FILIP1L: variants seen among roughly 807,000 people sequenced by gnomAD.
FILIP1L encodes filamin A interacting protein 1 like, also known as filamin A-interacting protein 1-like.
A neutral mutation model predicts 96.6 loss-of-function variants in FILIP1L; 55 were observed. The observed-to-expected ratio is 0.57, with a 90% CI of 0.46 to 0.71. The LOEUF is 0.71. Among genes scored for constraint, FILIP1L ranks in the 30% least tolerant of loss-of-function variants. FILIP1L has a pLI of 0.00. For missense variants in FILIP1L, 1,304 were observed against 1,321.2 expected, an observed-to-expected ratio of 0.99 and a Z score of 0.20; for synonymous variants, 467 against 473.9, an observed-to-expected ratio of 0.99 and a Z score of 0.19.
At chr3:99,943,807 A>C (rs1306527147) in intron 1 of FILIP1L, among the ~76,000 whole-genome samples, 2 of 152,222 alleles carry the variant, frequency 1.3e-5, no homozygotes, top group Non-Finnish European at 2.9e-5. Context: ...ACAGCAGGGG[A>C]AAGAGCATAG....
intron 1 of FILIP1L, among the ~76,000 whole-genome samples, chr3:100,048,875 T>G (rs1270418588): frequency 1.3e-5 from 2 of 152,222 alleles, no homozygotes; most frequent in South Asian, 2.1e-4. Flanking sequence ...AAGGTTGATA[T>G]GATGGCCTAG....
At chr3:100,048,980 C>G (rs2065324240) in intron 1 of FILIP1L, among the ~76,000 whole-genome samples, 1 of 152,132 alleles carries the variant, frequency 6.6e-6, no homozygotes, top group Non-Finnish European at 1.5e-5. Flanking sequence ...TGTCTATTTT[C>G]AAACCTAATG....
chr3:99,897,787 T>C (rs1165273707), intron 4 of FILIP1L, among the ~76,000 whole-genome samples: 2 of 152,330 alleles, frequency 1.3e-5, no homozygotes, highest in Admixed American at 6.5e-5. Flanking sequence ...ATGATGGTGA[T>C]CATAGAGGGA....
chr3:100,030,249 T>C (rs2065001398), intron 1 of FILIP1L, among the ~76,000 whole-genome samples: 2 of 152,048 alleles, frequency 1.3e-5, no homozygotes, highest in African/African-American at 2.4e-5. Context: ...AGTATTGGAG[T>C]TGTACCAAAA....
In FILIP1L at chr3:100,090,969, AT is replaced by A. The variant is rs531464913; in HGVS notation, c.-11+23083del. On this transcript the variant is annotated intron_variant, in intron 1 of 5. Transcript: ENST00000477258. ...TTACAAGTAATTTTAACCCAAGGTC[AT>A]TTGGAAAATGTCATTCCTGAAACCC... 4.1e-3 allele frequency among the ~76,000 whole-genome samples: 620 copies of A among 152,322 alleles called. 7 individuals are homozygous for A. The highest frequency in any genetic ancestry group is 0.015 in the African/African-American group (607 of 41,576).
chr3:100,064,385 C>G (rs1025547563), intron 1 of FILIP1L, among the ~76,000 whole-genome samples: 1 of 151,932 alleles, frequency 6.6e-6, no homozygotes, highest in Non-Finnish European at 1.5e-5. Context: ...CTAATCCTGA[C>G]CCCCCCAACA....
chr3:100,042,555 T>G (rs1178880810), intron 1 of FILIP1L, among the ~76,000 whole-genome samples: 4 of 152,232 alleles, frequency 2.6e-5, no homozygotes, highest in Non-Finnish European at 5.9e-5. Context: ...ATTTTAATTC[T>G]TTGGAAATTG....
At chr3:100,006,623 A>T (rs1177046928) in intron 1 of FILIP1L, among the ~76,000 whole-genome samples, 2 of 151,852 alleles carry the variant, frequency 1.3e-5, no homozygotes, top group Non-Finnish European at 2.9e-5. Context: ...AATGATGAGA[A>T]TTCAGCTCAT....
intron 1 of FILIP1L, among the ~76,000 whole-genome samples, chr3:99,950,583 T>A (rs1241219913): frequency 6.6e-6 from 1 of 152,198 alleles, no homozygotes; most frequent in Non-Finnish European, 1.5e-5. Context: ...CTTGAAGTTT[T>A]AAAATGTGCT....
chr3:100,037,901 G>T (rs1055973519), intron 1 of FILIP1L, among the ~76,000 whole-genome samples: 30 of 150,408 alleles, frequency 2.0e-4, no homozygotes, highest in African/African-American at 7.1e-4. Context: ...ACACTAACTG[G>T]CTCTGAATCG....
rs1290460432 is a variant in FILIP1L, at chr3:99,930,855, G to A, written c.166C>T (p.Pro56Ser). 6.2e-7 allele frequency: 1 copy of A among 1,612,602 alleles called. No homozygotes were observed. Among genetic ancestry groups the A allele is most frequent in the African/African-American group, 1.3e-5 (1 of 74,456 alleles). The change falls in exon 2 of 6, where the codon CCA becomes TCA. Residue 56 changes from proline to serine, a missense_variant. Transcript: ENST00000477258. Reference sequence around the variant, plus strand: ...GCTTGGTGGCCATTACCACTGTGTGGCTTCTCTGCCTTGGGACACGGAAGT... The same window carrying A: ...GCTTGGTGGCCATTACCACTGTGTGACTTCTCTGCCTTGGGACACGGAAGT... ...VILPCPKAEKPHSGNGHQAED... is the reference protein window; with the variant it reads ...VILPCPKAEKSHSGNGHQAED...
At chr3:99,865,013 C>T (rs752213281) in intron 4 of FILIP1L, among the ~76,000 whole-genome samples, 14 of 151,994 alleles carry the variant, frequency 9.2e-5, no homozygotes, top group Non-Finnish European at 1.9e-4. Flanking sequence ...AATTGGTATT[C>T]AATAAATATT....
At chr3:99,965,449 C>A (rs1318327846) in intron 1 of FILIP1L, among the ~76,000 whole-genome samples, 1 of 152,206 alleles carries the variant, frequency 6.6e-6, no homozygotes, top group African/African-American at 2.4e-5. Flanking sequence ...AAGGTCATGA[C>A]TGATTTTCCA....
At chr3:100,063,614 T>G (rs1259007308) in intron 1 of FILIP1L, among the ~76,000 whole-genome samples, 1 of 152,236 alleles carries the variant, frequency 6.6e-6, no homozygotes, top group African/African-American at 2.4e-5. Flanking sequence ...GGTAGTCTTT[T>G]AAAAGTTATT....
intron 1 of FILIP1L, among the ~76,000 whole-genome samples, chr3:99,999,365 C>T (rs1000188248): frequency 3.3e-5 from 5 of 152,140 alleles, no homozygotes; most frequent in African/African-American, 9.7e-5. Flanking sequence ...GCATCAGAGT[C>T]ATAAGTATAG....
chr3:100,029,817 G>C (rs1474057862), intron 1 of FILIP1L, among the ~76,000 whole-genome samples: 2 of 152,080 alleles, frequency 1.3e-5, no homozygotes, highest in Non-Finnish European at 2.9e-5. Context: ...GTGACCAAAA[G>C]GGCAGATTCT....
intron 1 of FILIP1L, among the ~76,000 whole-genome samples, chr3:100,007,396 G>A (rs1216856019): frequency 6.6e-6 from 1 of 152,150 alleles, no homozygotes; most frequent in Non-Finnish European, 1.5e-5. Context: ...GCTCGCTAAT[G>A]CATTTTGTGT....
chr3:99,902,244 A>G (rs575042306), intron 4 of FILIP1L, among the ~76,000 whole-genome samples: 2 of 152,338 alleles, frequency 1.3e-5, no homozygotes, highest in East Asian at 1.9e-4. Context: ...ATTTGGGGGC[A>G]TGGTCTCTTG....
At chr3:99,842,739 C>T (rs2107508790) in intron 5 of FILIP1L, among the ~76,000 whole-genome samples, 1 of 152,286 alleles carries the variant, frequency 6.6e-6, no homozygotes, top group South Asian at 2.1e-4. Context: ...ACTGCAATGC[C>T]AAAGGTTATT....
Sources: gnomAD v4.1 joint callset for allele counts (sites outside exome capture counted in the v4.1 genomes callset) on GRCh38, gnomAD v4.1.1 for gene constraint, MANE v1.5 for transcripts, NCBI Gene and HGNC (gene_info 2026-07-23, HGNC 2026-07-21) for gene names.